The following TMEM178A variants were observed in gnomAD, a reference collection of about 807,000 sequenced individuals.
The protein encoded by TMEM178A is transmembrane protein 178.
A neutral mutation model predicts 29.1 loss-of-function variants in TMEM178A; 12 were observed. The observed-to-expected ratio is 0.41, with a 90% CI of 0.26 to 0.67. TMEM178A has a LOEUF of 0.67. Among genes scored for constraint, TMEM178A ranks in the 30% least tolerant of loss-of-function variants. The pLI is 0.29. For missense variants in TMEM178A, 366 were observed against 419.1 expected (o/e 0.87, Z 1.11); for synonymous variants, 210 against 187.2 (o/e 1.12, Z -0.99).
In TMEM178A at chr2:39,717,468, T is replaced by C; in HGVS notation, c.*217T>C. The C allele has an allele frequency of 1.9e-6, 1 of 536,282 alleles. No homozygotes were observed. The highest frequency in any genetic ancestry group is 3.0e-6 in the Non-Finnish European group (1 of 327,922). The allele number at this position is 536,282 out of a possible 1,614,324, so 33.2% of individuals were successfully genotyped here. On this transcript the variant is annotated 3_prime_UTR_variant, in exon 4 of 4. Coordinates refer to ENST00000281961, the MANE Select transcript of TMEM178A (RefSeq NM_152390.3). ...TTAATGACTATTTATGCGTTGACTGTGAGAATAGGGAGCAGTGCCATGGGA... is the reference window on the plus strand; with the variant it reads ...TTAATGACTATTTATGCGTTGACTGCGAGAATAGGGAGCAGTGCCATGGGA...
intron 1 of TMEM178A, among the ~76,000 whole-genome samples, chr2:39,693,029 G>T (rs1041574307): frequency 3.9e-5 from 6 of 152,162 alleles, no homozygotes; most frequent in African/African-American, 1.4e-4. Context: ...CAGGAGAATG[G>T]CTTGAACCCG....
chr2:39,695,258 T>G (rs1047601257), intron 1 of TMEM178A, among the ~76,000 whole-genome samples: 1 of 152,110 alleles, frequency 6.6e-6, no homozygotes, highest in African/African-American at 2.4e-5. Flanking sequence ...GGAAATGGTG[T>G]AGCCTGTTGT....
chr2:39,667,327 A>G (rs562217432), intron 1 of TMEM178A, among the ~76,000 whole-genome samples: 1 of 129,964 alleles, frequency 7.7e-6, no homozygotes, highest in South Asian at 2.6e-4. Flanking sequence ...ATGCTATCAG[A>G]TAGTTTGATT....
In TMEM178A at chr2:39,704,344, C is replaced by T; in HGVS notation, c.514+150C>T. The T allele has an allele frequency of 1.2e-5, 8 of 652,138 alleles. No homozygotes were observed. The South Asian group carries it at 1.6e-4, about 13-fold the overall frequency. The allele number at this position is 652,138 out of a possible 1,614,324, so 40.4% of individuals were successfully genotyped here. A position where few individuals can be genotyped will look rare whatever the true frequency, so the allele number is the denominator to read the frequency against. On this transcript the variant is annotated intron_variant, in intron 2 of 3. Transcript: ENST00000281961. ...AGATGTGGTCAGAGACTCAGAGGAT[C>T]ATTTCCCTATGCTGTGGACACAGTT...
intron 1 of TMEM178A, among the ~76,000 whole-genome samples, chr2:39,686,782 T>C (rs1215162120): frequency 6.6e-6 from 1 of 152,180 alleles, no homozygotes; most frequent in Non-Finnish European, 1.5e-5. Context: ...CACTGATTCT[T>C]AGCAGTGAAT....
At chr2:39,668,512 C>T (rs574650323) in intron 1 of TMEM178A, among the ~76,000 whole-genome samples, 34 of 152,258 alleles carry the variant, frequency 2.2e-4, no homozygotes, top group African/African-American at 7.7e-4. Context: ...TCTTCGCCTT[C>T]GGTTTCCTTG....
At chr2:39,693,046 G>A (rs1438673558) in intron 1 of TMEM178A, among the ~76,000 whole-genome samples, 1 of 152,106 alleles carries the variant, frequency 6.6e-6, no homozygotes, top group African/African-American at 2.4e-5. Flanking sequence ...CCCGGGAGGC[G>A]GAGCTTGCAG....
chr2:39,719,929 A>T (rs78138430), downstream of TMEM178A, among the ~76,000 whole-genome samples: 1 of 152,330 alleles, frequency 6.6e-6, no homozygotes, highest in Non-Finnish European at 1.5e-5. Flanking sequence ...AATGGCTATT[A>T]TGTGCTCACA....
chr2:39,677,302 T>G (rs1670672315), intron 1 of TMEM178A, among the ~76,000 whole-genome samples: 1 of 152,182 alleles, frequency 6.6e-6, no homozygotes, highest in South Asian at 2.1e-4. Context: ...TTTTTTAACT[T>G]CTTGATTTCT....
At chr2:39,724,521 CAATAA>C in the TMEM178A span, among the ~76,000 whole-genome samples, 6 of 152,136 alleles carry the variant, frequency 3.9e-5, no homozygotes, top group Admixed American at 2.6e-4. Flanking sequence ...GTTACACTAA[CAATAA>C]AATAAAACCA....
In TMEM178A at chr2:39,714,313, A is replaced by G. The variant is rs548265531; in HGVS notation, c.653-2697A>G. On this transcript the variant is annotated intron_variant, in intron 3 of 3. Transcript: ENST00000281961. ...GCTGAATGAGTAAAGGCAACAAGAA[A>G]TAAAACAAGTCTGCATCAAAGTTTG... 6.6e-4 allele frequency among the ~76,000 whole-genome samples: 100 copies of G among 152,306 alleles called. 1 individual carries two copies. Among genetic ancestry groups the G allele is most frequent in the African/African-American group, 2.4e-3 (98 of 41,568 alleles).
chr2:39,677,552 T>G (rs775980666), intron 1 of TMEM178A, among the ~76,000 whole-genome samples: 24 of 152,258 alleles, frequency 1.6e-4, no homozygotes, highest in Admixed American at 1.0e-3. Flanking sequence ...TGGGCTTTCA[T>G]TATCTTTGAA....
intron 1 of TMEM178A, chr2:39,687,387 C>T (rs1479086040): frequency 6.0e-6 from 1 of 167,034 alleles, no homozygotes; most frequent in African/African-American, 2.4e-5. Context: ...GTCAGTTCCA[C>T]TTGGTCAAGA....
rs1189186417 is a variant in TMEM178A, at chr2:39,717,450, CTATT to C, written c.*203_*206del. The C allele has an allele frequency of 4.3e-5, 28 of 650,680 alleles. 1 individual carries two copies. In the East Asian group the frequency reaches 6.8e-4, roughly 16 times the overall value. 40.3% of individuals were successfully genotyped at this position (650,680 alleles called of 1,614,324 possible). On this transcript the variant is annotated 3_prime_UTR_variant, in exon 4 of 4. Transcript: ENST00000281961. ...ACTGTGGATTCAAGTGCTTTAATGA[CTATT>C]TATGCGTTGACTGTGAGAATAGGGA...
At chr2:39,680,529 G>A (rs1014173730) in intron 1 of TMEM178A, among the ~76,000 whole-genome samples, 11 of 152,120 alleles carry the variant, frequency 7.2e-5, no homozygotes, top group African/African-American at 1.7e-4. Flanking sequence ...TGGTTAGAAG[G>A]ACTCAACTGT....
chr2:39,717,440 G>GCATAAATAGTCATTAAAGCA lies in TMEM178A; in HGVS notation c.*190_*191insATAAATAGTCATTAAAGCAC. 1 of 734,314 alleles carries GCATAAATAGTCATTAAAGCA rather than the reference G, an allele frequency of 1.4e-6. No individual in the cohort carries two copies. The highest frequency in any genetic ancestry group is 2.1e-6 in the Non-Finnish European group (1 of 482,178). 45.5% of individuals were successfully genotyped at this position (734,314 alleles called of 1,614,324 possible). On this transcript the variant is annotated 3_prime_UTR_variant, in exon 4 of 4. Coordinates refer to ENST00000281961, the MANE Select transcript of TMEM178A (RefSeq NM_152390.3). ...GGACAAGACTACTGTGGATTCAAGT[G>GCATAAATAGTCATTAAAGCA]CTTTAATGACTATTTATGCGTTGAC... is the stretch of plus-strand genomic sequence containing the variant.
intron 3 of TMEM178A, among the ~76,000 whole-genome samples, chr2:39,714,852 T>C (rs1368085999): frequency 6.6e-6 from 1 of 152,156 alleles, no homozygotes; most frequent in Non-Finnish European, 1.5e-5. Context: ...GATAGATACA[T>C]AGGACATTCC....
chr2:39,701,874 CT>C (rs1262251263), intron 1 of TMEM178A, among the ~76,000 whole-genome samples: 2 of 152,042 alleles, frequency 1.3e-5, no homozygotes. Flanking sequence ...TCCAGAATTT[CT>C]ATTTTTTTCT....
In TMEM178A at chr2:39,666,045, C is replaced by T. The variant is rs369145931; in HGVS notation, c.71C>T (p.Thr24Met). Residue 24 changes from threonine (T) to methionine (M), a missense_variant, in exon 1 of 4, where the codon ACG becomes ATG. This residue lies in a region of TMEM178A where 247 missense variants were observed against 246.8 expected (regional missense o/e 1.00). Transcript: ENST00000281961. Reference protein sequence around the residue: ...LSLCSLGLLVTAIFTDHWYET... With the variant: ...LSLCSLGLLVMAIFTDHWYET... ...CTGTGCTCCCTGGGGCTGCTCGTCA[C>T]GGCCATCTTCACCGACCACTGGTAC... 20 of 1,560,680 alleles carry T rather than the reference C, an allele frequency of 1.3e-5. No homozygotes were observed. Among genetic ancestry groups the T allele is most frequent in the African/African-American group, 4.3e-5 (3 of 70,486 alleles).
Sources: gnomAD v4.1 joint callset for allele counts (sites outside exome capture counted in the v4.1 genomes callset) on GRCh38, gnomAD v4.1.1 for gene constraint, gnomAD v4.1.1 regional missense constraint, MANE v1.5 for transcripts, NCBI Gene and HGNC (gene_info 2026-07-23, HGNC 2026-07-21) for gene names.